The following DPYSL2 variants were observed in gnomAD, a reference collection of about 807,000 sequenced individuals.
DPYSL2 encodes dihydropyrimidinase like 2, also known as dihydropyrimidinase-related protein 2.
Under a neutral mutation model 69.9 loss-of-function variants are expected in DPYSL2, and 13 were observed. The ratio of observed to expected loss-of-function variants is 0.19; its 90% CI spans 0.12 to 0.30. The LOEUF is 0.30. Among genes scored for constraint, DPYSL2 ranks in the 10% least tolerant of loss-of-function variants. The pLI is 1.00. For synonymous variants in DPYSL2, 326 were observed against 359.1 expected (o/e 0.91, Z 1.04); for missense variants, 587 against 918.9 (o/e 0.64, Z 4.67).
At chr8:26,584,281 G>A (rs972256765) in intron 3 of DPYSL2, among the ~76,000 whole-genome samples, 1 of 152,106 alleles carries the variant, frequency 6.6e-6, no homozygotes, top group Non-Finnish European at 1.5e-5. Flanking sequence ...AATGTGATTT[G>A]GTTTTGAAAA....
At chr8:26,600,445 C>T (rs1417192857) in intron 3 of DPYSL2, among the ~76,000 whole-genome samples, 3 of 152,206 alleles carry the variant, frequency 2.0e-5, no homozygotes, top group East Asian at 3.8e-4. Flanking sequence ...TCTTCGCATC[C>T]TTGCCAACAC....
At position 26,598,125 on chromosome 8, in the gene DPYSL2, A is replaced by G. The variant is rs1195371220; in HGVS notation, c.628+14142A>G. On this transcript the variant is annotated intron_variant, in intron 3 of 13. Transcript: ENST00000521913. The surrounding 1 kb of genome is among the most constrained non-coding windows in gnomAD (Gnocchi z 4.2). ...GTGGTGGCTATGGCAGGGCTTGGAC[A>G]AATTACATGTATGGGGGAGTAGCCC... Among the ~76,000 whole-genome samples the G allele has an allele frequency of 6.6e-6, 1 of 152,138 alleles. No homozygotes were observed. The highest frequency in any genetic ancestry group is 1.5e-5 in the Non-Finnish European group (1 of 68,028).
chr8:26,551,584 C>A (rs983303931), intron 1 of DPYSL2, among the ~76,000 whole-genome samples: 1 of 152,138 alleles, frequency 6.6e-6, no homozygotes, highest in African/African-American at 2.4e-5. Context: ...CTAAATGGAT[C>A]TAATTGAAAT....
At chr8:26,583,726 T>G (rs1170641714) in intron 2 of DPYSL2, 73 bp from the exon 3 acceptor site, 1 of 1,394,078 alleles carries the variant, frequency 7.2e-7, no homozygotes, top group East Asian at 2.3e-5. Flanking sequence ...TATAGGTTAG[T>G]GAAAGTAGCT....
intron 3 of DPYSL2, among the ~76,000 whole-genome samples, chr8:26,623,618 T>A (rs1335012531): frequency 6.6e-6 from 1 of 152,174 alleles, no homozygotes; most frequent in African/African-American, 2.4e-5. Context: ...ACTCTTAAGA[T>A]GAAAGATTTC....
intron 3 of DPYSL2, among the ~76,000 whole-genome samples, chr8:26,618,447 C>T (rs981047719): frequency 2.7e-5 from 4 of 150,686 alleles, no homozygotes; most frequent in Non-Finnish European, 5.9e-5. Flanking sequence ...CGAGTAGCTG[C>T]GACTACAGGC....
At position 26,647,424 on chromosome 8, in the gene DPYSL2, A is replaced by G. The variant is rs1047933853; in HGVS notation, c.1426-206A>G. Among the ~76,000 whole-genome samples the G allele has an allele frequency of 1.1e-4, 17 of 152,264 alleles. No homozygotes were observed. Among genetic ancestry groups the G allele is most frequent in the Middle Eastern group, 3.4e-3 (1 of 294 alleles). On this transcript the variant is annotated intron_variant, in intron 10 of 13. Transcript: ENST00000521913. The surrounding 1 kb of genome is among the most constrained non-coding windows in gnomAD (Gnocchi z 5.1). ...CCATCTAGCCCCTCATCTGTTCTCCATCTCTACCATTTTGTTATTTGGAGA... is the reference window on the plus strand; with the variant it reads ...CCATCTAGCCCCTCATCTGTTCTCCGTCTCTACCATTTTGTTATTTGGAGA...
chr8:26,578,724 G>A (rs1255754248), intron 1 of DPYSL2, among the ~76,000 whole-genome samples: 1 of 152,178 alleles, frequency 6.6e-6, no homozygotes, highest in African/African-American at 2.4e-5. Flanking sequence ...GATCCTCCCC[G>A]GGTCTTCCGC....
chr8:26,655,706 G>A lies in DPYSL2; in HGVS notation c.2034G>A (p.Ter678=). Reference sequence around the variant, plus strand: ...GTGCCAACATCACCAGCCTGGGCTAGAGCTCCTGGGCTGTGCCGTCCACTG... The same window carrying A: ...GTGCCAACATCACCAGCCTGGGCTAAAGCTCCTGGGCTGTGCCGTCCACTG... The part of the protein sequence containing the change: ...GGRANITSLG[*] The change falls in exon 14 of 14, where the codon TAG becomes TAA. Residue 678 remains the stop codon, a stop_retained_variant. Coordinates refer to ENST00000521913, the MANE Select transcript of DPYSL2 (RefSeq NM_001197293.3). 1 of 1,605,268 alleles carries A rather than the reference G, an allele frequency of 6.2e-7. No homozygotes were observed. Among genetic ancestry groups the A allele is most frequent in the Non-Finnish European group, 8.5e-7 (1 of 1,178,868 alleles).
intron 1 of DPYSL2, chr8:26,548,189 C>T: frequency 4.1e-6 from 1 of 243,598 alleles, no homozygotes; most frequent in South Asian, 6.4e-5. Flanking sequence ...AAGTACTTCT[C>T]AGAACATGGA....
chr8:26,584,396 T>A (rs910898120), intron 3 of DPYSL2, among the ~76,000 whole-genome samples: 2 of 152,134 alleles, frequency 1.3e-5, no homozygotes, highest in African/African-American at 4.8e-5. Flanking sequence ...CTTTTTAGAA[T>A]GAGGATGGGC....
At chr8:26,607,815 A>C (rs34321710) in intron 3 of DPYSL2, among the ~76,000 whole-genome samples, 1 of 151,530 alleles carries the variant, frequency 6.6e-6, no homozygotes, top group East Asian at 2.0e-4. Context: ...TGTGGTGGCT[A>C]ATGCCTGTAA....
At chr8:26,552,863 A>C (rs7826601) in intron 1 of DPYSL2, among the ~76,000 whole-genome samples, 106,096 of 152,110 alleles carry the variant, frequency 0.7, 37,513 homozygotes, top group East Asian at 0.95. Flanking sequence ...ATGAAGTTTC[A>C]TGTGAGAAGG....
intron 3 of DPYSL2, among the ~76,000 whole-genome samples, chr8:26,622,460 GTGTGTGTGTGTGTATA>G (rs1245529381): frequency 5.8e-4 from 64 of 110,684 alleles, no homozygotes; most frequent in African/African-American, 1.9e-3. Flanking sequence ...GTGTGTGTGT[GTGTGTGTGTGTGTATA>G]TGTGTGTGTG....
rs61360009 is a variant in DPYSL2 at position 26,546,921 on chromosome 8, C to CAAAA, written c.354+32269_354+32272dup. ...TGGGCGACTGAGGGAGACTCAGTCTCAAAAAAAAAAAAAAAAAAAAAAAAA... is the reference window on the plus strand; with the variant it reads ...TGGGCGACTGAGGGAGACTCAGTCTCAAAAAAAAAAAAAAAAAAAAAAAAAAAAA... On this transcript the variant is annotated intron_variant, in intron 1 of 13. Transcript: ENST00000521913. 1.5e-3 allele frequency among the ~76,000 whole-genome samples: 69 copies of CAAAA among 46,208 alleles called. 2 individuals are homozygous for CAAAA. The highest frequency in any genetic ancestry group is 5.5e-3 in the African/African-American group (49 of 8,880). 30.3% of individuals were successfully genotyped at this position (46,208 alleles called of 152,430 possible).
intron 3 of DPYSL2, among the ~76,000 whole-genome samples, chr8:26,616,365 TGGCATTTTGCAG>T (rs1301838985): frequency 4.6e-5 from 7 of 152,320 alleles, no homozygotes; most frequent in South Asian, 2.1e-4. Context: ...TGAGGTCACC[TGGCATTTTGCAG>T]GGCATTTTGC....
In DPYSL2 at chr8:26,632,411, G is replaced by A. The variant is rs144714446; in HGVS notation, c.1006-2369G>A. ...AGACTGATGTCTGGGAAGAGAGTGG[G>A]GACTTGGAGATGAGGATAATGAAGA... On this transcript the variant is annotated intron_variant, in intron 7 of 13. Coordinates refer to ENST00000521913, the MANE Select transcript of DPYSL2 (RefSeq NM_001197293.3). 1.6e-3 allele frequency among the ~76,000 whole-genome samples: 246 copies of A among 152,314 alleles called. 1 individual carries two copies. The highest frequency in any genetic ancestry group is 5.7e-3 in the African/African-American group (238 of 41,580).
At chr8:26,599,139 CTTTT>C (rs1328124288) in intron 3 of DPYSL2, among the ~76,000 whole-genome samples, 1 of 152,156 alleles carries the variant, frequency 6.6e-6, no homozygotes, top group East Asian at 1.9e-4. Flanking sequence ...GAAATAGGTT[CTTTT>C]ATGTAGAGGG....
rs932605899 is a variant in DPYSL2, at chr8:26,654,425, AT to A, written c.1942+1036del. On this transcript the variant is annotated intron_variant, in intron 13 of 13. Coordinates refer to ENST00000521913, the MANE Select transcript of DPYSL2 (RefSeq NM_001197293.3). This position sits in a 1 kb window ranked among gnomAD's most constrained non-coding sequence, Gnocchi z 5.0. The stretch of plus-strand genomic sequence containing the variant: ...TAAAGAAATTGTTAAACCAGAGAGA[AT>A]TTTTTTTCTTGGTGGTTGTATGGGT... Among the ~76,000 whole-genome samples, 1 of 151,590 alleles carries A rather than the reference AT, an allele frequency of 6.6e-6. No individual in the cohort carries two copies. Among genetic ancestry groups the A allele is most frequent in the African/African-American group, 2.4e-5 (1 of 41,192 alleles).
Sources: gnomAD v4.1 joint callset for allele counts (sites outside exome capture counted in the v4.1 genomes callset) on GRCh38, gnomAD v4.1.1 for gene constraint, Gnocchi (gnomAD v3.1) non-coding constraint, MANE v1.5 for transcripts, NCBI Gene and HGNC (gene_info 2026-07-23, HGNC 2026-07-21) for gene names.